Variants in ELAPOR2 observed in about 807,000 individuals in gnomAD.
The protein encoded by ELAPOR2 is endosome-lysosome associated apoptosis and autophagy regulator family member 2, also known as endosome/lysosome-associated apoptosis and autophagy regulator family member 2.
ELAPOR2 carries 89 observed loss-of-function variants against 120.7 expected under a neutral mutation model. That is an observed-to-expected ratio of 0.74 (90% CI 0.62 to 0.88). ELAPOR2 has a LOEUF of 0.88. ELAPOR2 is among the 40% of genes least tolerant of loss of function. The probability of loss-of-function intolerance (pLI) is 0.00; values close to 1 mark genes in which losing one functional copy is unlikely to be tolerated. For synonymous variants in ELAPOR2, 444 were observed against 444.9 expected (o/e 1.00, Z 0.03); for missense variants, 1,134 against 1,251.6 (o/e 0.91, Z 1.42).
rs1562917092 is a variant in ELAPOR2, at chr7:86,913,012, A to G, written c.1924T>C (p.Tyr642His). The change falls in exon 14 of 22, where the codon TAC becomes CAC. Residue 642 changes from tyrosine to histidine, a missense_variant. By Grantham distance (83) the Tyr-to-His change is moderately conservative (BLOSUM62 2). Transcript: ENST00000450689. ...CCATAGACCTGATGTATGGACAGGT[A>G]GGTGTCAGGTGGACATTCCTTGCAC... ...NQCKECPPDT[Y>H]LSIHQVYGKE... The G allele has an allele frequency of 6.2e-7, 1 of 1,614,088 alleles. No homozygotes were observed. The highest frequency in any genetic ancestry group is 1.7e-5 in the Admixed American group (1 of 60,004).
rs1261259642 is a variant in ELAPOR2, at chr7:86,913,022, T to C, written c.1914A>G (p.Pro638=). 6.2e-7 allele frequency: 1 copy of C among 1,614,040 alleles called. No homozygotes were observed. ...EKETNQCKEC[P]PDTYLSIHQV... Reference sequence around the variant, plus strand: ...GATGTATGGACAGGTAGGTGTCAGGTGGACATTCCTTGCACTGGTTGGTTT... The same window carrying C: ...GATGTATGGACAGGTAGGTGTCAGGCGGACATTCCTTGCACTGGTTGGTTT... The change falls in exon 14 of 22, where the codon CCA becomes CCG. Residue 638 remains proline, a synonymous_variant. Transcript: ENST00000450689.
Position 86,926,724 on chromosome 7 carries a change from T to A in ELAPOR2, c.1270+12A>T. On this transcript the variant is annotated intron_variant, in intron 9 of 21. Transcript: ENST00000450689. ...GCTAAAGGCCCAGTTATTGGACCAA[T>A]TGACATCCTACCTTTGGTTCCATCT... The A allele has an allele frequency of 6.3e-7, 1 of 1,599,700 alleles. No individual in the cohort carries two copies. The highest frequency in any genetic ancestry group is 8.5e-7 in the Non-Finnish European group (1 of 1,172,746).
At chr7:86,881,105 G>T (rs1799377980) in intron 21 of ELAPOR2, among the ~76,000 whole-genome samples, 1 of 151,960 alleles carries the variant, frequency 6.6e-6, no homozygotes, top group South Asian at 2.1e-4. Context: ...TATCATTGCT[G>T]GCATTATATA....
chr7:86,926,476 A>G (rs1473369171), intron 9 of ELAPOR2, among the ~76,000 whole-genome samples: 1 of 152,008 alleles, frequency 6.6e-6, no homozygotes, highest in Admixed American at 6.6e-5. Context: ...TGGGGGACAT[A>G]GATTCAAATC....
intron 1 of ELAPOR2, among the ~76,000 whole-genome samples, chr7:86,998,409 C>T (rs1005627540): frequency 1.3e-5 from 2 of 152,110 alleles, no homozygotes; most frequent in Non-Finnish European, 2.9e-5. Context: ...TGAGGTTCAC[C>T]GATGTCAAGC....
intron 2 of ELAPOR2, among the ~76,000 whole-genome samples, chr7:86,954,995 C>A (rs1791414138): frequency 6.6e-6 from 1 of 152,094 alleles, no homozygotes; most frequent in African/African-American, 2.4e-5. Flanking sequence ...CTACTTCCAT[C>A]TCTCATGTAG....
chr7:86,884,328 C>T (rs188062273), intron 21 of ELAPOR2, among the ~76,000 whole-genome samples: 9 of 152,178 alleles, frequency 5.9e-5, no homozygotes, highest in African/African-American at 1.7e-4. Context: ...TCCTCTAGCC[C>T]GAAAGACTTC....
intron 8 of ELAPOR2, among the ~76,000 whole-genome samples, chr7:86,937,653 T>C (rs1790622730): frequency 6.6e-6 from 1 of 152,106 alleles, no homozygotes; most frequent in Admixed American, 6.6e-5. Flanking sequence ...TGACAAAACA[T>C]ACTGAGTAAC....
chr7:86,974,134 C>G (rs925972303), intron 1 of ELAPOR2, among the ~76,000 whole-genome samples: 1 of 151,760 alleles, frequency 6.6e-6, no homozygotes, highest in African/African-American at 2.4e-5. Flanking sequence ...CCTTGGAAAC[C>G]CATTTGTTCT....
chr7:86,898,173 C>A (rs1584320135), intron 18 of ELAPOR2, among the ~76,000 whole-genome samples: 1 of 152,052 alleles, frequency 6.6e-6, no homozygotes, highest in East Asian at 1.9e-4. Context: ...AAAAGAAATG[C>A]AGTAAGGCAT....
At chr7:86,993,699 C>G (rs1793030486) in intron 1 of ELAPOR2, among the ~76,000 whole-genome samples, 1 of 152,174 alleles carries the variant, frequency 6.6e-6, no homozygotes, top group South Asian at 2.1e-4. Flanking sequence ...TGTTAATGTC[C>G]AAACCACTTG....
intron 1 of ELAPOR2, among the ~76,000 whole-genome samples, chr7:86,967,170 T>C (rs1791938701): frequency 6.6e-6 from 1 of 152,118 alleles, no homozygotes; most frequent in Admixed American, 6.5e-5. Flanking sequence ...TATTAGAATG[T>C]ATGTCTTGGC....
intron 1 of ELAPOR2, among the ~76,000 whole-genome samples, chr7:86,985,194 T>C (rs1034370793): frequency 2.6e-5 from 4 of 152,090 alleles, no homozygotes; most frequent in African/African-American, 9.7e-5. Flanking sequence ...ATTGAGGCAA[T>C]AATTAATGGC....
At chr7:86,985,932 T>C (rs1792714441) in intron 1 of ELAPOR2, among the ~76,000 whole-genome samples, 1 of 151,866 alleles carries the variant, frequency 6.6e-6, no homozygotes, top group African/African-American at 2.4e-5. Context: ...GAGCTATTTA[T>C]GACAAACTCA....
chr7:87,047,975 G>A (rs1795002526), intron 1 of ELAPOR2, among the ~76,000 whole-genome samples: 1 of 152,174 alleles, frequency 6.6e-6, no homozygotes, highest in South Asian at 2.1e-4. Context: ...GCTGGGTGCG[G>A]TGGCTCATGC....
chr7:86,990,338 C>T (rs946222712), intron 1 of ELAPOR2, among the ~76,000 whole-genome samples: 14 of 138,474 alleles, frequency 1.0e-4, no homozygotes, highest in Non-Finnish European at 1.5e-4. Flanking sequence ...ATGAGCCAGG[C>T]GGGTTCTGCG....
intron 21 of ELAPOR2, among the ~76,000 whole-genome samples, chr7:86,882,386 A>C (rs1270142195): frequency 1.3e-5 from 2 of 152,154 alleles, no homozygotes; most frequent in Non-Finnish European, 2.9e-5. Context: ...TTGATTCAAC[A>C]TGGTGTTGTG....
chr7:86,965,281 T>C (rs1791864698), intron 1 of ELAPOR2, among the ~76,000 whole-genome samples: 1 of 152,228 alleles, frequency 6.6e-6, no homozygotes, highest in South Asian at 2.1e-4. Context: ...ATCTCACCCA[T>C]CCAGAAAAGC....
intron 10 of ELAPOR2, 131 bp downstream of exon 10, chr7:86,925,397 A>G: frequency 1.2e-6 from 1 of 840,640 alleles, no homozygotes; most frequent in Non-Finnish European, 1.9e-6. Flanking sequence ...CAACCAGAAG[A>G]TGGGCAAGCA....
Sources: allele counts gnomAD v4.1 joint callset (sites outside exome capture counted in the v4.1 genomes callset), GRCh38; gene constraint gnomAD v4.1.1; transcripts MANE v1.5; gene names NCBI Gene and HGNC (gene_info 2026-07-23, HGNC 2026-07-21).